The following EXD3 variants were observed in gnomAD, a reference collection of about 807,000 sequenced individuals.
EXD3 encodes exonuclease mut-7 homolog.
In EXD3, 92 loss-of-function variants were observed where a neutral mutation model predicts 98.0. The observed-to-expected ratio is 0.94, with a 90% confidence interval of 0.79 to 1.12. The LOEUF is 1.12. EXD3 is among the 50% of genes most tolerant of loss of function. EXD3 has a pLI of 0.00. For synonymous variants in EXD3, 569 were observed against 526.0 expected, an observed-to-expected ratio of 1.08 and a Z score of -1.12; for missense variants, 1,222 against 1,191.6, an observed-to-expected ratio of 1.03 and a Z score of -0.38.
Position 137,385,362 on chromosome 9 carries a change from C to T in EXD3, c.56-1985G>A, listed in dbSNP as rs1836535650. 6.6e-6 allele frequency among the ~76,000 whole-genome samples: 1 copy of T among 151,874 alleles called. No homozygotes were observed. Among genetic ancestry groups the T allele is most frequent in the Non-Finnish European group, 1.5e-5 (1 of 67,962 alleles). Reference sequence around the variant, plus strand: ...GCCATGGCAGGCAGTGTGACTGGCCCCGCATTCTGGGTGCTGCATGCTGGG... The same window carrying T: ...GCCATGGCAGGCAGTGTGACTGGCCTCGCATTCTGGGTGCTGCATGCTGGG... On this transcript the variant is annotated intron_variant, in intron 2 of 21. Transcript: ENST00000340951. This position sits in a 1 kb window ranked among gnomAD's most constrained non-coding sequence, Gnocchi z 4.4.
rs1013505207 is a variant in EXD3, at chr9:137,407,239, C to T, written c.-47-11835G>A. On this transcript the variant is annotated intron_variant, in intron 1 of 21. Coordinates refer to ENST00000340951, the MANE Select transcript of EXD3 (RefSeq NM_017820.5). This position sits in a 1 kb window ranked among gnomAD's most constrained non-coding sequence, Gnocchi z 4.4. ...CCCAGGCGCCTCCCCTACCCGCACGCCCAGGCTGGGTCTCCGTTTCCCACC... is the reference window on the plus strand; with the variant it reads ...CCCAGGCGCCTCCCCTACCCGCACGTCCAGGCTGGGTCTCCGTTTCCCACC... Among the ~76,000 whole-genome samples the T allele has an allele frequency of 4.6e-5, 7 of 150,858 alleles. No individual in the cohort carries two copies. The South Asian group carries it at 1.4e-3, about 31-fold the overall frequency.
At chr9:137,400,645 G>C (rs111980714) in intron 1 of EXD3, among the ~76,000 whole-genome samples, 5 of 151,976 alleles carry the variant, frequency 3.3e-5, no homozygotes, top group African/African-American at 7.3e-5. Flanking sequence ...CCCACCTATA[G>C]TCCCAGCTAC....
chr9:137,389,779 A>G (rs1270958244), intron 2 of EXD3, among the ~76,000 whole-genome samples: 2 of 152,176 alleles, frequency 1.3e-5, no homozygotes, highest in African/African-American at 4.8e-5. Context: ...TCTGCTGAAG[A>G]AAAGATCCTA....
chr9:137,333,028 T>A (rs1008251865), intron 17 of EXD3, among the ~76,000 whole-genome samples: 4 of 152,154 alleles, frequency 2.6e-5, no homozygotes, highest in African/African-American at 9.7e-5. Flanking sequence ...AGACCCACCC[T>A]CAGTGGGCAC....
rs551196159 is a variant in EXD3 at position 137,407,062 on chromosome 9, G to T, written c.-47-11658C>A. On this transcript the variant is annotated intron_variant, in intron 1 of 21. Transcript: ENST00000340951. This position sits in a 1 kb window ranked among gnomAD's most constrained non-coding sequence, Gnocchi z 4.4. ...AGAACGCTCGCCAGCAAACCCGCCC[G>T]TTCACAGAGGCACCGGAGCGGGCGG... Among the ~76,000 whole-genome samples the T allele has an allele frequency of 6.6e-6, 1 of 152,192 alleles. No homozygotes were observed. The highest frequency in any genetic ancestry group is 6.5e-5 in the Admixed American group (1 of 15,284).
intron 17 of EXD3, among the ~76,000 whole-genome samples, chr9:137,341,409 A>G (rs1303134756): frequency 3.3e-5 from 5 of 152,184 alleles, no homozygotes; most frequent in African/African-American, 9.7e-5. Context: ...ACACAGTCAC[A>G]CTCTGGCTAA....
At chr9:137,391,887 A>C (rs1836932709) in intron 2 of EXD3, 1 of 152,278 alleles carries the variant, frequency 6.6e-6, no homozygotes, top group African/African-American at 2.4e-5. Flanking sequence ...ACAACCTCGG[A>C]TAACTGTAAC....
chr9:137,344,235 A>G (rs558051619), intron 17 of EXD3, among the ~76,000 whole-genome samples: 2 of 152,210 alleles, frequency 1.3e-5, no homozygotes, highest in South Asian at 4.1e-4. Context: ...GTGTCTCTAA[A>G]TCTAATAATG....
At chr9:137,414,635 G>A (rs547490709) in intron 1 of EXD3, among the ~76,000 whole-genome samples, 3 of 152,196 alleles carry the variant, frequency 2.0e-5, no homozygotes, top group South Asian at 2.1e-4. Flanking sequence ...TCTGTCTTTC[G>A]TTTTTTTAAA....
At chr9:137,308,486 T>C (rs1031234090) in intron 20 of EXD3, among the ~76,000 whole-genome samples, 4 of 152,038 alleles carry the variant, frequency 2.6e-5, no homozygotes, top group Non-Finnish European at 5.9e-5. Context: ...TGTGCCGTCA[T>C]GTCCTGGGGC....
intron 2 of EXD3, among the ~76,000 whole-genome samples, chr9:137,390,241 T>C (rs1836830743): frequency 1.3e-5 from 2 of 148,222 alleles, no homozygotes. Flanking sequence ...CCATCCTGGC[T>C]AACATGGTGA....
chr9:137,353,648 C>T (rs1464292586), intron 10 of EXD3: 2 of 985,948 alleles, frequency 2.0e-6, no homozygotes, highest in Non-Finnish European at 2.4e-6. Flanking sequence ...ACCTACAGGC[C>T]TGCGGGACCC....
In EXD3 at chr9:137,395,232, C is replaced by G; in HGVS notation, c.55+71G>C. ...ACTGAGTACACAGTGGGCGCCACCA[C>G]CCCCCATGCACACCCACGCACCTCC... On this transcript the variant is annotated intron_variant, in intron 2 of 21. Transcript: ENST00000340951. The surrounding 1 kb of genome is among the most constrained non-coding windows in gnomAD (Gnocchi z 6.5). 1.5e-6 allele frequency: 2 copies of G among 1,338,724 alleles called. No individual in the cohort carries two copies. The highest frequency in any genetic ancestry group is 2.1e-6 in the Non-Finnish European group (2 of 932,102). The allele number at this position is 1,338,724 out of a possible 1,614,324, so 82.9% of individuals were successfully genotyped here.
chr9:137,307,110 G>A lies in EXD3; in HGVS notation c.2471C>T (p.Pro824Leu), dbSNP rs1193435216. The change falls in exon 22 of 22, where the codon CCT (proline) becomes CTT (leucine). Residue 824 changes from proline (P) to leucine (L), a missense_variant. Physicochemically the swap from Pro to Leu is moderately conservative, Grantham distance 98. Transcript: ENST00000340951. The stretch of plus-strand genomic sequence containing the variant: ...GCAGCAGTAGAAGCACCGCAGCCCA[G>A]GTGTCCTCAGCACACCCACCGGGAC... ...AGVPVGVLRT[P>L]GLRCFYCCTG... 6.2e-7 allele frequency: 1 copy of A among 1,607,982 alleles called. No individual in the cohort carries two copies. Among genetic ancestry groups the A allele is most frequent in the South Asian group, 1.1e-5 (1 of 90,384 alleles).
At chr9:137,334,253 C>T (rs1360358247) in intron 17 of EXD3, among the ~76,000 whole-genome samples, 1 of 152,212 alleles carries the variant, frequency 6.6e-6, no homozygotes, top group African/African-American at 2.4e-5. Flanking sequence ...CCGCCCACCT[C>T]TGCCTCTCAA....
chr9:137,345,013 C>A (rs1833846184), intron 17 of EXD3, among the ~76,000 whole-genome samples: 1 of 152,236 alleles, frequency 6.6e-6, no homozygotes, highest in African/African-American at 2.4e-5. Flanking sequence ...TCACCATAAG[C>A]AGCAGAAACA....
At chr9:137,355,935 G>A (rs1193208963) in intron 8 of EXD3, among the ~76,000 whole-genome samples, 1 of 152,118 alleles carries the variant, frequency 6.6e-6, no homozygotes, top group East Asian at 1.9e-4. Context: ...CTGTCCAGAG[G>A]GGCCTGGGAG....
Position 137,306,993 on chromosome 9 carries a change from C to A in EXD3, c.2588G>T (p.Cys863Phe). The A allele has an allele frequency of 6.2e-7, 1 of 1,605,596 alleles. No homozygotes were observed. The change falls in exon 22 of 22, where the codon TGC (cysteine) becomes TTC (phenylalanine). Residue 863 changes from cysteine (C) to phenylalanine (F), a missense_variant. Coordinates refer to ENST00000340951, the MANE Select transcript of EXD3 (RefSeq NM_017820.5). ...CGGGCTGGGGGCTGGGCTCGGCTCGCAGGGGCTGGGGGCGCTCTCCAGCAT... is the reference window on the plus strand; with the variant it reads ...CGGGCTGGGGGCTGGGCTCGGCTCGAAGGGGCTGGGGGCGCTCTCCAGCAT... ...RDMLESAPSP[C>F]EPSPAPSPAS...
chr9:137,391,951 C>T (rs950069757), intron 2 of EXD3: 2 of 152,246 alleles, frequency 1.3e-5, no homozygotes, highest in South Asian at 2.1e-4. Context: ...TCTCCTGCCT[C>T]AGCCTCCCCA....
Sources: gnomAD v4.1 joint callset for allele counts (sites outside exome capture counted in the v4.1 genomes callset) on GRCh38, gnomAD v4.1.1 for gene constraint, Gnocchi (gnomAD v3.1) non-coding constraint, MANE v1.5 for transcripts, NCBI Gene and HGNC (gene_info 2026-07-23, HGNC 2026-07-21) for gene names.